The following SBSPON variants were observed in gnomAD, a reference collection of about 807,000 sequenced individuals.
SBSPON encodes somatomedin-B and thrombospondin type-1 domain-containing protein.
A neutral mutation model predicts 35.8 loss-of-function variants in SBSPON; 30 were observed. The ratio of observed to expected loss-of-function variants is 0.84; its 90% CI spans 0.63 to 1.14. SBSPON has a LOEUF of 1.14. Among genes scored for constraint, SBSPON ranks in the 50% most tolerant of loss-of-function variants. The pLI is 0.00. For missense variants in SBSPON, 364 were observed against 357.7 expected (o/e 1.02, Z -0.14); for synonymous variants, 136 against 135.9 (o/e 1.00, Z 0.00).
chr8:73,091,299 T>C (rs1428209161), intron 1 of SBSPON, among the ~76,000 whole-genome samples: 1 of 152,242 alleles, frequency 6.6e-6, no homozygotes, highest in African/African-American at 2.4e-5. Context: ...CCTTGGGTCT[T>C]TTAAGTGCTT....
At chr8:73,070,626 T>G (rs1377758490) in intron 3 of SBSPON, among the ~76,000 whole-genome samples, 1 of 152,184 alleles carries the variant, frequency 6.6e-6, no homozygotes, top group Non-Finnish European at 1.5e-5. Flanking sequence ...TAGTGTCACC[T>G]TAAACTGAGC....
chr8:73,069,977 A>G lies in SBSPON; in HGVS notation c.505T>C (p.Cys169Arg), dbSNP rs779755159. ...AAGGACTCTGTCTTAAACTCCATAC[A>G]GTATCTACAGCAAAAGAAGTAACAA... is the stretch of plus-strand genomic sequence containing the variant. Reference protein sequence around the residue: ...WSTHTEDAGYCMEFKTESLTP... With the variant: ...WSTHTEDAGYRMEFKTESLTP... Residue 169 changes from cysteine (C) to arginine (R), a missense_variant, in exon 4 of 5, where the codon TGT becomes CGT. Cys to Arg is a radical substitution (Grantham distance 180, BLOSUM62 -3). Coordinates refer to ENST00000297354, the MANE Select transcript of SBSPON (RefSeq NM_153225.4). 1.2e-5 allele frequency: 18 copies of G among 1,564,114 alleles called. No individual in the cohort carries two copies. In the East Asian group the frequency reaches 2.5e-4, roughly 22 times the overall value.
chr8:73,090,470 A>G (rs930641989), intron 1 of SBSPON, among the ~76,000 whole-genome samples: 19 of 152,226 alleles, frequency 1.2e-4, no homozygotes, highest in Admixed American at 1.2e-3. Flanking sequence ...CCTGCCCAGG[A>G]GCCACAGTCG....
rs1372216629 is a variant in SBSPON at position 73,071,850 on chromosome 8, A to T, written c.430T>A (p.Ser144Thr). 1 of 1,608,938 alleles carries T rather than the reference A, an allele frequency of 6.2e-7. No homozygotes were observed. The highest frequency in any genetic ancestry group is 2.2e-5 in the East Asian group (1 of 44,858). The change falls in exon 3 of 5, where the codon TCT (serine) becomes ACT (threonine). Residue 144 changes from serine to threonine, a missense_variant. By Grantham distance (58) the Ser-to-Thr change is moderately conservative. Coordinates refer to ENST00000297354, the MANE Select transcript of SBSPON (RefSeq NM_153225.4). ...HTYVPAFITTSAFNKERTRQA... is the reference protein window; with the variant it reads ...HTYVPAFITTTAFNKERTRQA... ...CGTGTTCTCTCCTTGTTGAATGCAG[A>T]GGTAGTTATAAAGGCAGGAACTGGA...
intron 3 of SBSPON, among the ~76,000 whole-genome samples, chr8:73,070,852 G>T (rs1586089527): frequency 6.6e-6 from 1 of 152,132 alleles, no homozygotes; most frequent in East Asian, 1.9e-4. Context: ...GTTGCAATAT[G>T]TTATAAATGG....
At chr8:73,072,162 G>A (rs1042738083) in intron 2 of SBSPON, among the ~76,000 whole-genome samples, 3 of 152,032 alleles carry the variant, frequency 2.0e-5, no homozygotes, top group Non-Finnish European at 4.4e-5. Flanking sequence ...AAAGGAAGAT[G>A]GGGGTCAGAA....
At chr8:73,086,985 C>T (rs912922136) in intron 1 of SBSPON, among the ~76,000 whole-genome samples, 3 of 152,134 alleles carry the variant, frequency 2.0e-5, no homozygotes, top group African/African-American at 4.8e-5. Flanking sequence ...ATGGGTGGGA[C>T]GACTGCTCAC....
Position 73,071,807 on chromosome 8 carries a change from T to C in SBSPON, c.473A>G (p.His158Arg). The stretch of plus-strand genomic sequence containing the variant: ...AGCATCCTCTGTGTGTGTAGACCAG[T>C]GTGGAGACGTAGCTTGTCGTGTTCT... ...KERTRQATSP[H>R]WSTHTEDAGY... Residue 158 changes from histidine to arginine, a missense_variant, in exon 3 of 5, where the codon CAC becomes CGC. His to Arg is a conservative substitution (Grantham distance 29). Coordinates refer to ENST00000297354, the MANE Select transcript of SBSPON (RefSeq NM_153225.4). The C allele has an allele frequency of 6.2e-7, 1 of 1,606,894 alleles. No individual in the cohort carries two copies. Among genetic ancestry groups the C allele is most frequent in the Non-Finnish European group, 8.5e-7 (1 of 1,175,240 alleles).
At chr8:73,075,374 C>T (rs185424770) in intron 2 of SBSPON, among the ~76,000 whole-genome samples, 3 of 152,202 alleles carry the variant, frequency 2.0e-5, no homozygotes, top group Non-Finnish European at 4.4e-5. Context: ...TACACCCCCC[C>T]CAAATTCACT....
At chr8:73,067,849 A>G (rs1248501773) in intron 4 of SBSPON, among the ~76,000 whole-genome samples, 2 of 144,238 alleles carry the variant, frequency 1.4e-5, no homozygotes, top group Non-Finnish European at 3.1e-5. Flanking sequence ...CGGTTCCCCA[A>G]TTTTTTTTTT....
chr8:73,081,772 A>G (rs1810709922), intron 1 of SBSPON, among the ~76,000 whole-genome samples: 1 of 152,118 alleles, frequency 6.6e-6, no homozygotes, highest in East Asian at 1.9e-4. Flanking sequence ...GGACCCCTAT[A>G]CTCTAAGCTT....
intron 4 of SBSPON, among the ~76,000 whole-genome samples, chr8:73,067,981 TTCTA>T (rs1228393003): frequency 2.0e-5 from 3 of 152,018 alleles, no homozygotes; most frequent in Non-Finnish European, 4.4e-5. Flanking sequence ...GCTTTTCCCG[TTCTA>T]TCTGAGCACA....
chr8:73,068,114 G>A (rs1225352851), intron 4 of SBSPON, among the ~76,000 whole-genome samples: 2 of 152,206 alleles, frequency 1.3e-5, no homozygotes, highest in African/African-American at 4.8e-5. Flanking sequence ...AACAATGAGA[G>A]AGCTGAAAAG....
chr8:73,073,286 T>C (rs568850395), intron 2 of SBSPON, among the ~76,000 whole-genome samples: 1 of 152,316 alleles, frequency 6.6e-6, no homozygotes, highest in East Asian at 1.9e-4. Context: ...TACCTCTGTT[T>C]CAGAAACTGC....
chr8:73,091,460 G>A (rs978352390), intron 1 of SBSPON, among the ~76,000 whole-genome samples: 6 of 152,180 alleles, frequency 3.9e-5, no homozygotes, highest in African/African-American at 1.4e-4. Context: ...CAGATCAGGG[G>A]ACATTAGCTG....
At chr8:73,087,709 T>C (rs868790189) in intron 1 of SBSPON, among the ~76,000 whole-genome samples, 1 of 152,212 alleles carries the variant, frequency 6.6e-6, no homozygotes, top group African/African-American at 2.4e-5. Flanking sequence ...GTTTGTTTCC[T>C]AGACTCTCCA....
chr8:73,082,175 G>A (rs1810719701), intron 1 of SBSPON, among the ~76,000 whole-genome samples: 1 of 152,168 alleles, frequency 6.6e-6, no homozygotes, highest in African/African-American at 2.4e-5. Flanking sequence ...AATCAATATG[G>A]CGTCACGTTT....
rs1212633636 is a variant in SBSPON at position 73,093,107 on chromosome 8, C to G, written c.-40G>C. ...CGGCGCCTGCGACGCGACAGACCCC[C>G]GGGGCAAGCGCTCTGATCCTCGGCT... On this transcript the variant is annotated 5_prime_UTR_variant, in exon 1 of 5. Coordinates refer to ENST00000297354, the MANE Select transcript of SBSPON (RefSeq NM_153225.4). 3 of 1,159,460 alleles carry G rather than the reference C, an allele frequency of 2.6e-6. No homozygotes were observed. Among genetic ancestry groups the G allele is most frequent in the East Asian group, 7.0e-5 (2 of 28,654 alleles). The allele number at this position is 1,159,460 out of a possible 1,614,324, so 71.8% of individuals were successfully genotyped here.
chr8:73,067,107 T>G lies in SBSPON; in HGVS notation c.*234A>C. On this transcript the variant is annotated 3_prime_UTR_variant, in exon 5 of 5. Transcript: ENST00000297354. ...GAATGAGAGGACTCCAGTTGAAAGG[T>G]CAAGAACATAAAACCACAAGAGCTT... is the stretch of plus-strand genomic sequence containing the variant. 2.6e-6 allele frequency: 1 copy of G among 387,164 alleles called. No homozygotes were observed. Among genetic ancestry groups the G allele is most frequent in the Non-Finnish European group, 4.7e-6 (1 of 210,718 alleles). The allele number at this position is 387,164 out of a possible 1,614,324, so 24.0% of individuals were successfully genotyped here. A position where few individuals can be genotyped will look rare whatever the true frequency, so the allele number is the denominator to read the frequency against.
Sources: gnomAD v4.1 joint callset for allele counts (sites outside exome capture counted in the v4.1 genomes callset) on GRCh38, gnomAD v4.1.1 for gene constraint, MANE v1.5 for transcripts, NCBI Gene and HGNC (gene_info 2026-07-23, HGNC 2026-07-21) for gene names.